The following N4BP2L2 variants were observed in gnomAD, a reference collection of about 807,000 sequenced individuals.
N4BP2L2 encodes NEDD4-binding protein 2-like 2.
Under a neutral mutation model 56.2 loss-of-function variants are expected in N4BP2L2, and 50 were observed. The observed-to-expected ratio is 0.89, with a 90% confidence interval of 0.71 to 1.13. The LOEUF (loss-of-function observed/expected upper bound fraction) is 1.13. Among genes scored for constraint, N4BP2L2 ranks in the 50% most tolerant of loss-of-function variants. The probability of loss-of-function intolerance (pLI) is 0.00; values close to 1 mark genes in which losing one functional copy is unlikely to be tolerated. For synonymous variants in N4BP2L2, 203 were observed against 223.6 expected, an observed-to-expected ratio of 0.91 and a Z score of 0.82; for missense variants, 689 against 693.8, an observed-to-expected ratio of 0.99 and a Z score of 0.08.
chr13:32,483,642 C>T (rs1254944320), intron 6 of N4BP2L2, among the ~76,000 whole-genome samples: 1 of 152,136 alleles, frequency 6.6e-6, no homozygotes, highest in Non-Finnish European at 1.5e-5. Context: ...AATAGCATTG[C>T]ATGATTACTT....
chr13:32,519,713 G>C (rs2139983025), intron 5 of N4BP2L2, among the ~76,000 whole-genome samples: 1 of 151,900 alleles, frequency 6.6e-6, no homozygotes, highest in Admixed American at 6.6e-5. Context: ...AGTAGACCCT[G>C]TCTCAAAAAA....
chr13:32,535,514 T>C (rs1047207054), intron 2 of N4BP2L2, among the ~76,000 whole-genome samples: 7 of 152,254 alleles, frequency 4.6e-5, no homozygotes, highest in African/African-American at 1.4e-4. Flanking sequence ...GATTTTCTTC[T>C]ACTAGAAACA....
intron 6 of N4BP2L2, among the ~76,000 whole-genome samples, chr13:32,498,647 A>C (rs2089312681): frequency 6.6e-6 from 1 of 151,994 alleles, no homozygotes; most frequent in South Asian, 2.1e-4. Context: ...CGGACCTAGT[A>C]ATCACTTCTT....
exon 6 of N4BP2L2, chr13:32,517,219 C>T (rs1167030423): frequency 1.0e-6 from 1 of 985,496 alleles, no homozygotes; most frequent in African/African-American, 1.7e-5. Context: ...ATGAAGAAAA[C>T]TCCCCAGGTG....
At chr13:32,526,672 A>C (rs1026147987) in intron 3 of N4BP2L2, among the ~76,000 whole-genome samples, 1 of 152,054 alleles carries the variant, frequency 6.6e-6, no homozygotes, top group African/African-American at 2.4e-5. Context: ...GTATTTACTT[A>C]TAGTTCAGAT....
intron 6 of N4BP2L2, among the ~76,000 whole-genome samples, chr13:32,481,118 C>CA (rs60854435): frequency 0.082 from 1,706 of 20,684 alleles, 605 homozygotes; most frequent in East Asian, 0.18. Context: ...GACTCTGTCT[C>CA]AAAAAAAAAA....
At chr13:32,530,254 C>A (rs191433693) in intron 2 of N4BP2L2, among the ~76,000 whole-genome samples, 24 of 152,202 alleles carry the variant, frequency 1.6e-4, no homozygotes, top group Admixed American at 3.9e-4. Flanking sequence ...GACTTTTCCT[C>A]CCAGGCAGCA....
intron 6 of N4BP2L2, among the ~76,000 whole-genome samples, chr13:32,468,864 G>C (rs2081758277): frequency 6.6e-6 from 1 of 152,230 alleles, no homozygotes; most frequent in East Asian, 1.9e-4. Context: ...TGCCCAGAGA[G>C]AGAAAAAGTT....
At chr13:32,461,733 G>A (rs2080118655) in intron 6 of N4BP2L2, among the ~76,000 whole-genome samples, 2 of 152,164 alleles carry the variant, frequency 1.3e-5, no homozygotes, top group Non-Finnish European at 2.9e-5. Flanking sequence ...CTCCTGAGAA[G>A]CTAGGACTAC....
chr13:32,536,813 T>G, exon 2 of N4BP2L2: 3 of 1,614,086 alleles, frequency 1.9e-6, no homozygotes, highest in Non-Finnish European at 2.5e-6. Context: ...AGTTTTGATT[T>G]TGTTCTCCTG....
exon 7 of N4BP2L2, chr13:32,442,553 C>T (rs753422854): frequency 3.7e-6 from 6 of 1,613,754 alleles, no homozygotes; most frequent in Non-Finnish European, 5.1e-6. Flanking sequence ...TCAAACCTTT[C>T]ATTTAAAAAG....
chr13:32,528,158 T>C (rs2053626029), intron 2 of N4BP2L2, among the ~76,000 whole-genome samples: 1 of 152,242 alleles, frequency 6.6e-6, no homozygotes, highest in Non-Finnish European at 1.5e-5. Context: ...CTATTATCCA[T>C]GTTTTCACTT....
chr13:32,449,975 A>T (rs976577076), intron 6 of N4BP2L2, among the ~76,000 whole-genome samples: 1 of 152,244 alleles, frequency 6.6e-6, no homozygotes, highest in Non-Finnish European at 1.5e-5. Context: ...TTTCTCAGAG[A>T]TTAAAACACC....
chr13:32,534,240 C>T (rs1178874932), intron 2 of N4BP2L2, among the ~76,000 whole-genome samples: 1 of 152,152 alleles, frequency 6.6e-6, no homozygotes, highest in Non-Finnish European at 1.5e-5. Flanking sequence ...AATAAATATA[C>T]ATATTATATC....
At chr13:32,477,125 T>C (rs1183262227) in intron 6 of N4BP2L2, 3 of 607,632 alleles carry the variant, frequency 4.9e-6, no homozygotes, top group East Asian at 4.0e-5. Context: ...GTGTAACCAA[T>C]AGTACTCTTG....
intron 6 of N4BP2L2, among the ~76,000 whole-genome samples, chr13:32,473,059 T>G (rs182273486): frequency 2.2e-4 from 33 of 152,204 alleles, no homozygotes; most frequent in African/African-American, 7.7e-4. Context: ...GGTGGGCAGA[T>G]CACCTGAGGT....
intron 6 of N4BP2L2, among the ~76,000 whole-genome samples, chr13:32,494,592 T>C (rs1033279792): frequency 1.3e-5 from 2 of 151,582 alleles, no homozygotes; most frequent in African/African-American, 4.8e-5. Flanking sequence ...TGAAACCCCG[T>C]CTCTACTAAA....
At chr13:32,491,975 G>T (rs556381697) in intron 6 of N4BP2L2, among the ~76,000 whole-genome samples, 1 of 152,218 alleles carries the variant, frequency 6.6e-6, no homozygotes, top group South Asian at 2.1e-4. Flanking sequence ...AATTGAACTG[G>T]TGAGTTATTA....
At chr13:32,467,953 G>C (rs2138854669) in intron 6 of N4BP2L2, among the ~76,000 whole-genome samples, 1 of 152,120 alleles carries the variant, frequency 6.6e-6, no homozygotes, top group South Asian at 2.1e-4. Flanking sequence ...TTGCACCACT[G>C]CTCTGTTGCA....
Sources: allele counts gnomAD v4.1 joint callset (sites outside exome capture counted in the v4.1 genomes callset), GRCh38; gene constraint gnomAD v4.1.1; transcripts MANE v1.5; gene names NCBI Gene and HGNC (gene_info 2026-07-23, HGNC 2026-07-21).